The following PACS1 variants were observed in gnomAD, a reference collection of about 807,000 sequenced individuals.
PACS1 encodes PACS-1.
In PACS1, 24 loss-of-function variants were observed where a neutral mutation model predicts 115.0. That is an observed-to-expected ratio of 0.21 (90% confidence interval 0.15 to 0.29). The LOEUF is 0.29. PACS1 is among the 10% of genes least tolerant of loss of function. The probability of loss-of-function intolerance (pLI) is 1.00; values close to 1 mark genes in which losing one functional copy is unlikely to be tolerated. For synonymous variants in PACS1, 453 were observed against 504.5 expected, an observed-to-expected ratio of 0.90 and a Z score of 1.37; for missense variants, 838 against 1,251.2, an observed-to-expected ratio of 0.67 and a Z score of 4.98.
chr11:66,240,015 TTTC>T (rs1855779758), intron 21 of PACS1, among the ~76,000 whole-genome samples: 1 of 152,260 alleles, frequency 6.6e-6, no homozygotes, highest in Admixed American at 6.5e-5. Flanking sequence ...GTCTTCCTTT[TTTC>T]TTCTTTTTTA....
At chr11:66,199,964 A>C (rs1854741799) in intron 2 of PACS1, among the ~76,000 whole-genome samples, 1 of 151,734 alleles carries the variant, frequency 6.6e-6, no homozygotes, top group African/African-American at 2.4e-5. Flanking sequence ...GGTTGCAGTG[A>C]GCCCAGATTG....
At chr11:66,229,746 T>A (rs942501995) in intron 11 of PACS1, among the ~76,000 whole-genome samples, 1 of 151,908 alleles carries the variant, frequency 6.6e-6, no homozygotes, top group Non-Finnish European at 1.5e-5. Flanking sequence ...ATTCGAGACC[T>A]GCCTGACCAA....
chr11:66,159,332 G>A (rs1291180926), intron 1 of PACS1, among the ~76,000 whole-genome samples: 1 of 152,092 alleles, frequency 6.6e-6, no homozygotes, highest in Non-Finnish European at 1.5e-5. Context: ...AGATACTCAG[G>A]AAGCTGAGGC....
intron 1 of PACS1, among the ~76,000 whole-genome samples, chr11:66,105,730 A>G (rs1858022053): frequency 6.6e-6 from 1 of 152,184 alleles, no homozygotes; most frequent in African/African-American, 2.4e-5. Flanking sequence ...CACAAATAAC[A>G]CAATAATCAG....
At chr11:66,185,207 G>C (rs918473081) in intron 1 of PACS1, among the ~76,000 whole-genome samples, 6 of 152,198 alleles carry the variant, frequency 3.9e-5, no homozygotes, top group African/African-American at 1.4e-4. Flanking sequence ...TTTTATTAAT[G>C]ATGGTCTAGG....
chr11:66,189,190 C>T (rs929810904), intron 1 of PACS1, among the ~76,000 whole-genome samples: 1 of 152,086 alleles, frequency 6.6e-6, no homozygotes, highest in African/African-American at 2.4e-5. Flanking sequence ...CATTTGAGTC[C>T]CCAAGTACCC....
chr11:66,110,543 A>T (rs1166636201), intron 1 of PACS1, among the ~76,000 whole-genome samples: 2 of 152,126 alleles, frequency 1.3e-5, no homozygotes, highest in African/African-American at 2.4e-5. Context: ...AGTCTGATAG[A>T]AATGATCCTT....
intron 7 of PACS1, chr11:66,217,124 A>ATCTAC: frequency 2.9e-6 from 1 of 340,488 alleles, no homozygotes; most frequent in Non-Finnish European, 5.5e-6. Context: ...CTGCAGCGAG[A>ATCTAC]AAGCCAGCTC....
chr11:66,127,640 G>T (rs1858611639), intron 1 of PACS1, among the ~76,000 whole-genome samples: 1 of 152,216 alleles, frequency 6.6e-6, no homozygotes, highest in Admixed American at 6.5e-5. Context: ...GGGCAGAACT[G>T]TGTGTATTTC....
At chr11:66,238,997 C>T (rs1017006890) in intron 20 of PACS1, 145 bp from the exon 21 acceptor site, 29 of 1,383,340 alleles carry the variant, frequency 2.1e-5, no homozygotes, top group South Asian at 7.3e-5. Context: ...TCCCCTGCTG[C>T]GGTGGTGGCT....
chr11:66,169,660 C>A (rs1217411890), intron 1 of PACS1, among the ~76,000 whole-genome samples: 1 of 148,598 alleles, frequency 6.7e-6, no homozygotes, highest in Non-Finnish European at 1.5e-5. Context: ...TGTGATCCAC[C>A]TGCCTTGGCC....
chr11:66,126,700 G>A (rs1050612066), intron 1 of PACS1, among the ~76,000 whole-genome samples: 1 of 151,852 alleles, frequency 6.6e-6, no homozygotes. Context: ...TGGGGATGAG[G>A]GAGAAGTGAT....
intron 1 of PACS1, among the ~76,000 whole-genome samples, chr11:66,079,397 C>T (rs1857448603): frequency 6.7e-6 from 1 of 148,262 alleles, no homozygotes; most frequent in Admixed American, 6.8e-5. Context: ...GGGCATCAGT[C>T]ATCATTTACT....
intron 1 of PACS1, among the ~76,000 whole-genome samples, chr11:66,141,389 T>C (rs471709): frequency 0.99 from 150,165 of 152,234 alleles, 74,086 homozygotes; most frequent in Middle Eastern, 1. Flanking sequence ...CACTGTTGCT[T>C]ACCCCTGTAA....
rs1439785227 is a variant in PACS1 at position 66,233,626 on chromosome 11, T to G, written c.1839-159T>G. ...ATTTTTCTCTTGGTTGTGAAAGCAC[T>G]GTGGCTTATTCCCTGTATGATCCTC... On this transcript the variant is annotated intron_variant, in intron 15 of 23. Transcript: ENST00000320580. This position sits in a 1 kb window ranked among gnomAD's most constrained non-coding sequence, Gnocchi z 4.5. 6.6e-6 allele frequency among the ~76,000 whole-genome samples: 1 copy of G among 152,260 alleles called. No homozygotes were observed. Among genetic ancestry groups the G allele is most frequent in the Non-Finnish European group, 1.5e-5 (1 of 68,052 alleles).
intron 1 of PACS1, among the ~76,000 whole-genome samples, chr11:66,086,300 G>T (rs993930018): frequency 6.6e-6 from 1 of 150,858 alleles, no homozygotes; most frequent in Non-Finnish European, 1.5e-5. Context: ...TACCTCGCCC[G>T]GCTAATTTTT....
intron 1 of PACS1, among the ~76,000 whole-genome samples, chr11:66,182,141 C>T (rs1860025405): frequency 1.3e-5 from 2 of 152,148 alleles, no homozygotes; most frequent in African/African-American, 4.8e-5. Context: ...GCCTGTTTCC[C>T]AATCCAGAAA....
chr11:66,102,113 G>C (rs1857931090), intron 1 of PACS1, among the ~76,000 whole-genome samples: 1 of 152,068 alleles, frequency 6.6e-6, no homozygotes, highest in Non-Finnish European at 1.5e-5. Context: ...GAACATCCTT[G>C]ATCTCTTCTC....
chr11:66,216,561 G>A lies in PACS1; in HGVS notation c.847G>A (p.Glu283Lys). Residue 283 changes from glutamate (E) to lysine (K), a missense_variant, in exon 6 of 24, where the codon GAG becomes AAG. Physicochemically the swap from Glu to Lys is moderately conservative, Grantham distance 56. Around this residue, in one of 6 missense-constraint regions of PACS1, gnomAD observed 223 missense variants for 354.0 expected, o/e 0.63. Coordinates refer to ENST00000320580, the MANE Select transcript of PACS1 (RefSeq NM_018026.4). ...DIDNYSEEEEESFSSEQEGSD... is the reference protein window; with the variant it reads ...DIDNYSEEEEKSFSSEQEGSD... ...TGACAATTATTCTGAGGAAGAGGAAGAGAGTTTCTCATCAGAACAGGAAGG... is the reference window on the plus strand; with the variant it reads ...TGACAATTATTCTGAGGAAGAGGAAAAGAGTTTCTCATCAGAACAGGAAGG... 1 of 1,614,184 alleles carries A rather than the reference G, an allele frequency of 6.2e-7. No homozygotes were observed. Among genetic ancestry groups the A allele is most frequent in the Non-Finnish European group, 8.5e-7 (1 of 1,180,000 alleles).
Sources: gnomAD v4.1 joint callset for allele counts (sites outside exome capture counted in the v4.1 genomes callset) on GRCh38, gnomAD v4.1.1 for gene constraint, gnomAD v4.1.1 regional missense constraint, Gnocchi (gnomAD v3.1) non-coding constraint, MANE v1.5 for transcripts, NCBI Gene and HGNC (gene_info 2026-07-23, HGNC 2026-07-21) for gene names.